Variants in CDH1 observed in about 807,000 individuals in gnomAD.
CDH1 encodes the protein cadherin-1.
In CDH1, 35 loss-of-function variants were observed where a neutral mutation model predicts 84.5. The ratio of observed to expected loss-of-function variants is 0.41; its 90% confidence interval spans 0.32 to 0.55. CDH1 has a LOEUF of 0.55. CDH1 is among the 20% of genes least tolerant of loss of function. The probability of loss-of-function intolerance (pLI) is 0.19; values close to 1 mark genes in which losing one functional copy is unlikely to be tolerated. For missense variants in CDH1, 994 were observed against 1,126.6 expected, an observed-to-expected ratio of 0.88 and a Z score of 1.68; for synonymous variants, 417 against 439.0, an observed-to-expected ratio of 0.95 and a Z score of 0.63.
chr16:68,815,847 A>T, intron 10 of CDH1, 88 bp downstream of exon 10: 1 of 1,463,466 alleles, frequency 6.8e-7, no homozygotes, highest in South Asian at 1.2e-5. Context: ...ACTTCATGGC[A>T]TTTTGTCATT....
At chr16:68,816,451 T>C (rs1417145786) in intron 10 of CDH1, among the ~76,000 whole-genome samples, 1 of 152,208 alleles carries the variant, frequency 6.6e-6, no homozygotes, top group Non-Finnish European at 1.5e-5. Context: ...TGCTTTAAAA[T>C]ACTCTCATTT....
intron 2 of CDH1, among the ~76,000 whole-genome samples, chr16:68,787,492 C>T (rs1960086344): frequency 1.3e-5 from 2 of 151,866 alleles, no homozygotes; most frequent in South Asian, 2.1e-4. Flanking sequence ...TTTTTGTTTT[C>T]AGTTTTTAGT....
chr16:68,785,715 C>T (rs941492493), intron 2 of CDH1, among the ~76,000 whole-genome samples: 3 of 151,696 alleles, frequency 2.0e-5, no homozygotes, highest in Non-Finnish European at 4.4e-5. Context: ...TCTTGACGAT[C>T]ATTCCCCTGC....
At position 68,762,031 on chromosome 16, in the gene CDH1, A is replaced by C. The variant is rs544563612; in HGVS notation, c.163+23620A>C. ...GCAGTGGAGCCTGATGGTTAGTAGC[A>C]TGGGCACTGGCCTGCCTGCTCAGGT... On this transcript the variant is annotated intron_variant, in intron 2 of 15. Coordinates refer to ENST00000261769, the MANE Select transcript of CDH1 (RefSeq NM_004360.5). Among the ~76,000 whole-genome samples the C allele has an allele frequency of 9.2e-5, 14 of 152,280 alleles. No homozygotes were observed. The South Asian group carries it at 2.1e-3, about 23-fold the overall frequency.
intron 1 of CDH1, 135 bp from the exon 2 acceptor site, chr16:68,738,162 C>T: frequency 1.6e-6 from 1 of 623,666 alleles, no homozygotes; most frequent in Non-Finnish European, 2.8e-6. Context: ...GCTGCCCGCC[C>T]GTCCCGGGGC....
chr16:68,811,853 C>T lies in CDH1; in HGVS notation c.1002C>T (p.Asp334=), dbSNP rs761981219. The change falls in exon 7 of 16, where the codon GAC becomes GAT. Residue 334 remains aspartate (D), a synonymous_variant. Coordinates refer to ENST00000261769, the MANE Select transcript of CDH1 (RefSeq NM_004360.5). ...GVISVVTTGL[D]RESFPTYTLV... is the part of the protein sequence containing the mutation. ...TCAGTGTGGTCACCACTGGGCTGGA[C>T]CGAGAGGTCAGGGGTCAGGAGGATC... is the stretch of plus-strand genomic sequence containing the variant. 1.2e-6 allele frequency: 2 copies of T among 1,614,094 alleles called. No homozygotes were observed. Among genetic ancestry groups the T allele is most frequent in the Non-Finnish European group, 8.5e-7 (1 of 1,180,008 alleles).
intron 2 of CDH1, among the ~76,000 whole-genome samples, chr16:68,758,524 G>A (rs1183743359): frequency 6.6e-6 from 1 of 151,846 alleles, no homozygotes; most frequent in Non-Finnish European, 1.5e-5. Context: ...GAGTTTCGAG[G>A]CTGCAGTGCA....
intron 2 of CDH1, among the ~76,000 whole-genome samples, chr16:68,768,252 C>T (rs536407706): frequency 3.9e-5 from 6 of 152,142 alleles, no homozygotes; most frequent in Admixed American, 1.3e-4. Context: ...GGCTTAATTA[C>T]GATTTAAGAA....
intron 2 of CDH1, among the ~76,000 whole-genome samples, chr16:68,777,225 G>A (rs959137597): frequency 2.0e-5 from 3 of 152,194 alleles, no homozygotes; most frequent in African/African-American, 4.8e-5. Flanking sequence ...CAAGAGCCAC[G>A]GGCTCTGGGG....
At chr16:68,821,317 A>AT (rs34534814) in intron 11 of CDH1, among the ~76,000 whole-genome samples, 9 of 152,060 alleles carry the variant, frequency 5.9e-5, no homozygotes, top group Non-Finnish European at 1.3e-4. Context: ...TACAAAAAAA[A>AT]TTTAAAAACT....
At chr16:68,824,406 T>C (rs1282324506) in intron 13 of CDH1, among the ~76,000 whole-genome samples, 1 of 152,156 alleles carries the variant, frequency 6.6e-6, no homozygotes, top group African/African-American at 2.4e-5. Context: ...TGGTCTAAGC[T>C]AGCCAGCTCA....
chr16:68,772,277 C>G (rs376995245), intron 2 of CDH1, among the ~76,000 whole-genome samples: 4 of 152,192 alleles, frequency 2.6e-5, no homozygotes, highest in African/African-American at 9.7e-5. Flanking sequence ...TTATCCTCTT[C>G]GTGCCATGCA....
intron 2 of CDH1, among the ~76,000 whole-genome samples, chr16:68,760,662 C>T (rs1963143054): frequency 6.6e-6 from 1 of 152,142 alleles, no homozygotes. Flanking sequence ...TGTGTGAGTG[C>T]CTTCTGTGTG....
chr16:68,808,618 C>T (rs2152129923), intron 4 of CDH1, 51 bp downstream of exon 4: 2 of 1,613,202 alleles, frequency 1.2e-6, no homozygotes, highest in Non-Finnish European at 1.7e-6. Context: ...CAGAGAAGTA[C>T]CAAGGAGAGA....
At chr16:68,738,025 A>G (rs1962445885) in intron 1 of CDH1, among the ~76,000 whole-genome samples, 2 of 152,102 alleles carry the variant, frequency 1.3e-5, no homozygotes, top group South Asian at 4.1e-4. Context: ...GACATCTCCA[A>G]TAAAATGAGA....
chr16:68,813,273 T>C, intron 8 of CDH1, 40 bp from the exon 9 acceptor site: 1 of 1,603,436 alleles, frequency 6.2e-7, no homozygotes, highest in Non-Finnish European at 8.5e-7. Context: ...CTGCTAGCAG[T>C]CTTGGTACTT....
intron 13 of CDH1, among the ~76,000 whole-genome samples, chr16:68,823,992 CTTTTTTT>C (rs889358029): frequency 9.0e-5 from 9 of 99,930 alleles, no homozygotes; most frequent in African/African-American, 2.9e-4. Context: ...TTCTGCATTT[CTTTTTTT>C]TTTTTTTTTT....
At chr16:68,832,625 G>A (rs1487338983) in intron 15 of CDH1, among the ~76,000 whole-genome samples, 1 of 152,108 alleles carries the variant, frequency 6.6e-6, no homozygotes, top group African/African-American at 2.4e-5. Flanking sequence ...TTAGAGACCA[G>A]CCTGGCCAAC....
rs1219900433 is a variant in CDH1 at position 68,835,378 on chromosome 16, A to G, written c.*1879A>G. 2 of 221,274 alleles carry G rather than the reference A, an allele frequency of 9.0e-6. No individual in the cohort carries two copies. Among genetic ancestry groups the G allele is most frequent in the East Asian group, 6.6e-5 (1 of 15,120 alleles). 13.7% of individuals were successfully genotyped at this position (221,274 alleles called of 1,614,324 possible). A position where few individuals can be genotyped will look rare whatever the true frequency, so the allele number is the denominator to read the frequency against. On this transcript the variant is annotated 3_prime_UTR_variant, in exon 16 of 16. Transcript: ENST00000261769. ...CGGCAGTTCAAGCTATATCGAATAT[A>G]GTTCTGTGTAGAGAATGTCACTGTA...
Sources: allele counts gnomAD v4.1 joint callset (sites outside exome capture counted in the v4.1 genomes callset), GRCh38; gene constraint gnomAD v4.1.1; transcripts MANE v1.5; gene names NCBI Gene and HGNC (gene_info 2026-07-23, HGNC 2026-07-21).